Variants in KDM4C observed in about 807,000 individuals in gnomAD.
KDM4C encodes the protein lysine-specific demethylase 4C.
Under a neutral mutation model 129.3 loss-of-function variants are expected in KDM4C, and 81 were observed. The observed-to-expected ratio is 0.63, with a 90% CI of 0.52 to 0.75. The LOEUF (loss-of-function observed/expected upper bound fraction) is 0.75. Ranked by LOEUF, KDM4C falls within the 30% of genes least tolerant of loss-of-function variation. KDM4C has a pLI of 0.00. For synonymous variants in KDM4C, 573 were observed against 456.1 expected (o/e 1.26, Z -3.26); for missense variants, 1,457 against 1,304.0 (o/e 1.12, Z -1.81).
chr9:6,775,470 C>T (rs1164645715), intron 1 of KDM4C, among the ~76,000 whole-genome samples: 1 of 151,936 alleles, frequency 6.6e-6, no homozygotes, highest in African/African-American at 2.4e-5. Flanking sequence ...CTGTAATGAA[C>T]ATTATTGTAC....
intron 1 of KDM4C, among the ~76,000 whole-genome samples, chr9:6,737,501 A>AG (rs545438058): frequency 1.3e-3 from 197 of 149,990 alleles, no homozygotes; most frequent in African/African-American, 4.7e-3. Context: ...TCTCTACTAA[A>AG]AAAAATACAA....
intron 8 of KDM4C, chr9:6,925,042 A>T (rs1408652233): frequency 3.0e-6 from 3 of 985,242 alleles, no homozygotes; most frequent in Non-Finnish European, 3.6e-6. Flanking sequence ...AACCAGGTGT[A>T]TAAGAATGAA....
chr9:6,822,517 C>A (rs1833200175), intron 4 of KDM4C, among the ~76,000 whole-genome samples: 1 of 152,174 alleles, frequency 6.6e-6, no homozygotes, highest in Non-Finnish European at 1.5e-5. Flanking sequence ...AGAAATAGAG[C>A]CATCTTTGGT....
intron 5 of KDM4C, among the ~76,000 whole-genome samples, chr9:6,861,722 A>T (rs894804358): frequency 6.6e-6 from 1 of 151,588 alleles, no homozygotes; most frequent in Non-Finnish European, 1.5e-5. Flanking sequence ...GGAATCATGC[A>T]TAAAGTTTCT....
chr9:6,825,140 C>G (rs780323063), intron 4 of KDM4C, among the ~76,000 whole-genome samples: 2 of 114,028 alleles, frequency 1.8e-5, no homozygotes, highest in Admixed American at 2.0e-4. Context: ...GAGTGAAACT[C>G]GGTCTCAAAA....
At chr9:6,980,771 T>G (rs533513603) in intron 8 of KDM4C, among the ~76,000 whole-genome samples, 154 bp from the exon 9 acceptor site, 1 of 152,342 alleles carries the variant, frequency 6.6e-6, no homozygotes, top group South Asian at 2.1e-4. Flanking sequence ...CAGAAGAAAT[T>G]GGGTTTATCA....
chr9:6,893,022 A>ATTCCC, intron 7 of KDM4C, 73 bp from the exon 8 acceptor site: 1 of 1,166,600 alleles, frequency 8.6e-7, no homozygotes, highest in Non-Finnish European at 1.1e-6. Flanking sequence ...TTTAATGGGA[A>ATTCCC]ATATATTTTA....
chr9:6,922,302 A>G (rs1353874658), intron 8 of KDM4C, among the ~76,000 whole-genome samples: 3 of 152,266 alleles, frequency 2.0e-5, no homozygotes, highest in African/African-American at 7.2e-5. Context: ...GCCCTTATGC[A>G]GGGCATGTGC....
chr9:6,978,159 C>T (rs1446207749), intron 8 of KDM4C, among the ~76,000 whole-genome samples: 2 of 152,150 alleles, frequency 1.3e-5, no homozygotes, highest in Admixed American at 6.5e-5. Flanking sequence ...GATGGAGAAA[C>T]TGAGGCACAG....
At chr9:6,906,134 A>G (rs1435354515) in intron 8 of KDM4C, among the ~76,000 whole-genome samples, 1 of 152,172 alleles carries the variant, frequency 6.6e-6, no homozygotes, top group Non-Finnish European at 1.5e-5. Flanking sequence ...GGCACATGTC[A>G]AGTTTAGTTG....
intron 5 of KDM4C, among the ~76,000 whole-genome samples, chr9:6,855,953 C>G (rs957767872): frequency 2.0e-5 from 3 of 152,152 alleles, no homozygotes; most frequent in Admixed American, 6.5e-5. Flanking sequence ...GTTGCCCAGG[C>G]TGGCCATGAA....
chr9:7,035,858 G>T (rs939515246), intron 15 of KDM4C, among the ~76,000 whole-genome samples: 1 of 152,074 alleles, frequency 6.6e-6, no homozygotes, highest in Admixed American at 6.5e-5. Flanking sequence ...CTGTTTTTAT[G>T]CCAGTTCCAT....
chr9:6,748,852 C>T (rs1817974621), intron 1 of KDM4C: 2 of 1,078,648 alleles, frequency 1.9e-6, no homozygotes, highest in East Asian at 4.7e-5. Context: ...ATACAGCCTT[C>T]TATCTGCATA....
intron 15 of KDM4C, among the ~76,000 whole-genome samples, chr9:7,028,390 A>C (rs949078211): frequency 2.0e-5 from 3 of 151,780 alleles, no homozygotes; most frequent in Admixed American, 2.0e-4. Flanking sequence ...TCCAGGAGCT[A>C]GGCCCTGCAA....
In KDM4C at chr9:7,019,712, TA is replaced by T. The variant is rs1385198132; in HGVS notation, c.2259+3788del. ...TATAAAAATATAATATTTTTATATATAAAAATATAATATTTTTATATATAAA... is the reference window on the plus strand; with the variant it reads ...TATAAAAATATAATATTTTTATATATAAAATATAATATTTTTATATATAAA... On this transcript the variant is annotated intron_variant, in intron 15 of 21. Coordinates refer to ENST00000381309, the MANE Select transcript of KDM4C (RefSeq NM_015061.6). Among the ~76,000 whole-genome samples, 28 of 103,008 alleles carry T rather than the reference TA, an allele frequency of 2.7e-4. No homozygotes were observed. In the East Asian group the frequency reaches 6.6e-3, roughly 24 times the overall value. The allele number at this position is 103,008 out of a possible 152,430, so 67.6% of individuals were successfully genotyped here.
intron 2 of KDM4C, among the ~76,000 whole-genome samples, chr9:6,802,077 C>T (rs764472142): frequency 2.7e-5 from 4 of 150,582 alleles, no homozygotes; most frequent in Non-Finnish European, 5.9e-5. Context: ...TGCACTCCAG[C>T]CTGGGGAACA....
chr9:7,154,295 C>G (rs1007391602), intron 19 of KDM4C, among the ~76,000 whole-genome samples: 9 of 152,340 alleles, frequency 5.9e-5, no homozygotes, highest in African/African-American at 2.2e-4. Flanking sequence ...CAGCTGTTGG[C>G]ATTTCGCCCC....
At chr9:6,804,125 T>TA (rs1467267282) in intron 2 of KDM4C, among the ~76,000 whole-genome samples, 4 of 152,216 alleles carry the variant, frequency 2.6e-5, no homozygotes, top group Non-Finnish European at 5.9e-5. Flanking sequence ...GGCTGGCTGT[T>TA]ACCTTCTACT....
At chr9:6,995,513 A>G (rs1819526449) in intron 12 of KDM4C, among the ~76,000 whole-genome samples, 1 of 152,214 alleles carries the variant, frequency 6.6e-6, no homozygotes, top group African/African-American at 2.4e-5. Context: ...GCTATATAGA[A>G]TGTTTTCAAA....
Sources: allele counts gnomAD v4.1 joint callset (sites outside exome capture counted in the v4.1 genomes callset), GRCh38; gene constraint gnomAD v4.1.1; transcripts MANE v1.5; gene names NCBI Gene and HGNC (gene_info 2026-07-23, HGNC 2026-07-21).